The following AGBL1 variants were observed in gnomAD, a reference collection of about 807,000 sequenced individuals.
The protein encoded by AGBL1 is cytosolic carboxypeptidase 4.
AGBL1 carries 130 observed loss-of-function variants against 118.9 expected under a neutral mutation model. The observed-to-expected ratio is 1.09, with a 90% CI of 0.95 to 1.26. The LOEUF (loss-of-function observed/expected upper bound fraction) is 1.26, where lower values mean the gene tolerates loss of function less well. Among genes scored for constraint, AGBL1 ranks in the 50% most tolerant of loss-of-function variants. AGBL1 has a pLI of 0.00. For missense variants in AGBL1, 1,584 were observed against 1,298.1 expected, an observed-to-expected ratio of 1.22 and a Z score of -3.38; for synonymous variants, 555 against 478.9, an observed-to-expected ratio of 1.16 and a Z score of -2.08.
chr15:86,798,490 G>A (rs1295611027), intron 22 of AGBL1, among the ~76,000 whole-genome samples: 1 of 151,960 alleles, frequency 6.6e-6, no homozygotes, highest in Non-Finnish European at 1.5e-5. Context: ...GAATTGAGAA[G>A]ACTCTGCTTT....
intron 1 of AGBL1, among the ~76,000 whole-genome samples, chr15:86,090,180 A>G (rs997985558): frequency 1.3e-5 from 2 of 152,106 alleles, no homozygotes; most frequent in Non-Finnish European, 2.9e-5. Context: ...TAGCAGTCGC[A>G]ATTTAAACAC....
At position 86,462,093 on chromosome 15, in the gene AGBL1, C is replaced by G. The variant is rs541286298; in HGVS notation, c.2556-60717C>G. ...AAATGGCAACTGTGCCTGCCTGTAT[C>G]AATTTCAAAAGGCAGAATCCTATAG... On this transcript the variant is annotated intron_variant, in intron 18 of 22. Transcript: ENST00000614907. Among the ~76,000 whole-genome samples the G allele has an allele frequency of 3.0e-4, 46 of 152,308 alleles. No homozygotes were observed. The South Asian group carries it at 8.5e-3, about 28-fold the overall frequency.
At chr15:87,007,594 T>A (rs576357201) in intron 24 of AGBL1, among the ~76,000 whole-genome samples, 6 of 152,290 alleles carry the variant, frequency 3.9e-5, no homozygotes, top group African/African-American at 1.2e-4. Flanking sequence ...GGTGTTTTAG[T>A]TGAGAGATAA....
At chr15:86,319,382 T>C (rs2080068264) in intron 17 of AGBL1, among the ~76,000 whole-genome samples, 1 of 152,160 alleles carries the variant, frequency 6.6e-6, no homozygotes, top group Admixed American at 6.5e-5. Context: ...GTAGTTTTAA[T>C]TGGCATTTTT....
At chr15:86,273,525 A>G (rs1008092304) in intron 15 of AGBL1, among the ~76,000 whole-genome samples, 1 of 152,184 alleles carries the variant, frequency 6.6e-6, no homozygotes, top group Non-Finnish European at 1.5e-5. Context: ...TTCACCCACA[A>G]ATTAGAACGC....
chr15:86,650,120 G>A (rs2085346103), intron 21 of AGBL1, among the ~76,000 whole-genome samples: 1 of 152,280 alleles, frequency 6.6e-6, no homozygotes, highest in African/African-American at 2.4e-5. Flanking sequence ...GGCACAGGGG[G>A]CATTTAGTTT....
chr15:86,122,947 A>T (rs1005387811), intron 1 of AGBL1, among the ~76,000 whole-genome samples: 15 of 151,948 alleles, frequency 9.9e-5, no homozygotes, highest in Non-Finnish European at 1.9e-4. Flanking sequence ...TTCCAGCCTG[A>T]CTCTAGTATA....
intron 22 of AGBL1, among the ~76,000 whole-genome samples, chr15:86,861,262 A>C (rs2141480518): frequency 6.6e-6 from 1 of 152,272 alleles, no homozygotes; most frequent in African/African-American, 2.4e-5. Flanking sequence ...CTGTGGGGAA[A>C]GCAAAAGTGA....
intron 22 of AGBL1, among the ~76,000 whole-genome samples, chr15:86,803,791 G>A (rs2078682100): frequency 1.3e-5 from 2 of 152,134 alleles, no homozygotes; most frequent in South Asian, 4.1e-4. Flanking sequence ...ATTTGACAAT[G>A]TCTGGGAACA....
intron 16 of AGBL1, among the ~76,000 whole-genome samples, 162 bp from the exon 17 acceptor site, chr15:86,295,093 C>G (rs1043030312): frequency 6.6e-6 from 1 of 152,184 alleles, no homozygotes; most frequent in Non-Finnish European, 1.5e-5. Flanking sequence ...TTCTCCTACA[C>G]AGTAGAAATA....
At chr15:86,431,354 G>A (rs1193596892) in intron 18 of AGBL1, among the ~76,000 whole-genome samples, 1 of 152,178 alleles carries the variant, frequency 6.6e-6, no homozygotes, top group Non-Finnish European at 1.5e-5. Context: ...ATTTAGTAGG[G>A]TAATCTTTAA....
chr15:86,530,439 G>T lies in AGBL1; in HGVS notation c.2685+7500G>T, dbSNP rs1262658096. 7.4e-5 allele frequency among the ~76,000 whole-genome samples: 10 copies of T among 135,686 alleles called. No individual in the cohort carries two copies. The East Asian group carries it at 1.1e-3, about 15-fold the overall frequency. The allele number at this position is 135,686 out of a possible 152,430, so 89.0% of individuals were successfully genotyped here. A position where few individuals can be genotyped will look rare whatever the true frequency, so the allele number is the denominator to read the frequency against. On this transcript the variant is annotated intron_variant, in intron 19 of 22. Coordinates refer to ENST00000614907, the MANE Select transcript of AGBL1 (RefSeq NM_001386094.1). ...CTAAATATATATGCACCCAATACAG[G>T]AGCACCCAGATTCATAAAGCAAGTC...
At chr15:86,728,077 C>T (rs1227317042) in intron 22 of AGBL1, among the ~76,000 whole-genome samples, 1 of 152,194 alleles carries the variant, frequency 6.6e-6, no homozygotes, top group East Asian at 1.9e-4. Context: ...ACAAAATGGT[C>T]TACATTCTTG....
At chr15:86,271,202 C>A (rs1217579119) in intron 14 of AGBL1, among the ~76,000 whole-genome samples, 1 of 151,986 alleles carries the variant, frequency 6.6e-6, no homozygotes, top group Non-Finnish European at 1.5e-5. Flanking sequence ...AGGCATGTGC[C>A]ACCATGCCCG....
chr15:86,591,306 C>T (rs1167920239), intron 21 of AGBL1, among the ~76,000 whole-genome samples: 1 of 152,204 alleles, frequency 6.6e-6, no homozygotes, highest in Non-Finnish European at 1.5e-5. Flanking sequence ...ACACCAACCA[C>T]TGGACACCTG....
intron 1 of AGBL1, among the ~76,000 whole-genome samples, chr15:86,108,552 A>G (rs369521429): frequency 2.6e-5 from 4 of 152,202 alleles, no homozygotes; most frequent in Non-Finnish European, 5.9e-5. Context: ...GAAGCTCACT[A>G]TTAATTTCAA....
intron 18 of AGBL1, among the ~76,000 whole-genome samples, chr15:86,438,657 CTTTTTTTTTT>C (rs35937855): frequency 7.6e-6 from 1 of 131,622 alleles, no homozygotes; most frequent in South Asian, 2.4e-4. Flanking sequence ...TAATCTGTCT[CTTTTTTTTTT>C]TTTTTTTTTC....
intron 24 of AGBL1, chr15:86,988,160 C>G (rs2081302838): frequency 6.4e-7 from 1 of 1,560,346 alleles, no homozygotes; most frequent in Non-Finnish European, 8.7e-7. Context: ...CTGCATGTGA[C>G]TACATTGGGA....
chr15:86,485,427 C>G (rs2082700836), intron 18 of AGBL1, among the ~76,000 whole-genome samples: 1 of 152,044 alleles, frequency 6.6e-6, no homozygotes, highest in Non-Finnish European at 1.5e-5. Flanking sequence ...TCAAACAAAT[C>G]CTTTCTGTCA....
Sources: gnomAD v4.1 joint callset for allele counts (sites outside exome capture counted in the v4.1 genomes callset) on GRCh38, gnomAD v4.1.1 for gene constraint, MANE v1.5 for transcripts, NCBI Gene and HGNC (gene_info 2026-07-23, HGNC 2026-07-21) for gene names.